ZBTB44: variants seen among roughly 807,000 people sequenced by gnomAD.
The protein encoded by ZBTB44 is zinc finger and BTB domain containing 44, also known as zinc finger and BTB domain-containing protein 44.
In ZBTB44, 15 loss-of-function variants were observed where a neutral mutation model predicts 54.0. The ratio of observed to expected loss-of-function variants is 0.28; its 90% CI spans 0.19 to 0.43. ZBTB44 has a LOEUF of 0.43. ZBTB44 is among the 20% of genes least tolerant of loss of function. ZBTB44 has a pLI of 1.00. For synonymous variants in ZBTB44, 230 were observed against 250.1 expected, an observed-to-expected ratio of 0.92 and a Z score of 0.76; for missense variants, 487 against 707.1, an observed-to-expected ratio of 0.69 and a Z score of 3.53.
intron 1 of ZBTB44, among the ~76,000 whole-genome samples, chr11:130,311,910 C>T (rs1364718834): frequency 6.6e-6 from 1 of 152,040 alleles, no homozygotes; most frequent in Non-Finnish European, 1.5e-5. Context: ...TTCCTACTGA[C>T]CAAATCTGGG....
intron 1 of ZBTB44, chr11:130,295,556 C>G: frequency 1.4e-6 from 1 of 701,526 alleles, no homozygotes; most frequent in Non-Finnish European, 2.6e-6. Context: ...CAGCCTGCCC[C>G]TGGGACTCAC....
intron 1 of ZBTB44, among the ~76,000 whole-genome samples, chr11:130,263,881 C>T (rs918720086): frequency 2.6e-5 from 4 of 152,158 alleles, no homozygotes; most frequent in Admixed American, 2.6e-4. Flanking sequence ...TCCTTTACCT[C>T]AAATCTATGG....
At chr11:130,279,050 C>A (rs556655229) in intron 1 of ZBTB44, among the ~76,000 whole-genome samples, 66 of 152,078 alleles carry the variant, frequency 4.3e-4, no homozygotes, top group African/African-American at 1.4e-3. Context: ...TATAGCAAAT[C>A]CAGTTACTGT....
intron 1 of ZBTB44, among the ~76,000 whole-genome samples, chr11:130,301,281 CCT>C (rs1941972770): frequency 6.6e-6 from 1 of 152,130 alleles, no homozygotes; most frequent in African/African-American, 2.4e-5. Context: ...TGGCTTTACT[CCT>C]CTTTCAAGTT....
At chr11:130,268,222 T>TAAAAAA (rs1189306993) in intron 1 of ZBTB44, among the ~76,000 whole-genome samples, 1,473 of 128,876 alleles carry the variant, frequency 0.011, 27 homozygotes, top group African/African-American at 0.039. Context: ...ACGTCTAATT[T>TAAAAAA]AAAAAAAAAA....
At chr11:130,296,854 T>TA in intron 1 of ZBTB44, 1 of 738,118 alleles carries the variant, frequency 1.4e-6, no homozygotes, top group Non-Finnish European at 2.5e-6. Context: ...GTAAATAACT[T>TA]AAATTTGCCT....
chr11:130,294,729 A>G (rs1375665289), intron 1 of ZBTB44, among the ~76,000 whole-genome samples: 2 of 152,136 alleles, frequency 1.3e-5, no homozygotes, highest in East Asian at 1.9e-4. Flanking sequence ...TAGTGTTCCA[A>G]TAATGGAACG....
chr11:130,281,583 AT>A (rs996596428), intron 1 of ZBTB44, among the ~76,000 whole-genome samples: 4 of 150,902 alleles, frequency 2.7e-5, no homozygotes, highest in Non-Finnish European at 5.9e-5. Flanking sequence ...AAGTAGTTTT[AT>A]TGTTGTTGTT....
intron 1 of ZBTB44, among the ~76,000 whole-genome samples, chr11:130,264,070 T>C (rs1466162769): frequency 1.3e-5 from 2 of 152,228 alleles, no homozygotes; most frequent in South Asian, 2.1e-4. Flanking sequence ...CTGCTATTTT[T>C]ACCTGTGTCA....
At chr11:130,287,543 A>C (rs1941039923) in intron 1 of ZBTB44, among the ~76,000 whole-genome samples, 1 of 152,216 alleles carries the variant, frequency 6.6e-6, no homozygotes, top group Non-Finnish European at 1.5e-5. Context: ...TTGGAAATAA[A>C]ATGCAGAGAC....
chr11:130,277,514 T>G (rs1018563127), intron 1 of ZBTB44, among the ~76,000 whole-genome samples: 1 of 150,510 alleles, frequency 6.6e-6, no homozygotes, highest in Non-Finnish European at 1.5e-5. Flanking sequence ...ACAGCTTTGC[T>G]CCTACCCACT....
At chr11:130,311,042 A>G (rs1384861226) in intron 1 of ZBTB44, among the ~76,000 whole-genome samples, 1 of 152,250 alleles carries the variant, frequency 6.6e-6, no homozygotes, top group Non-Finnish European at 1.5e-5. Context: ...AAGTATTTCA[A>G]GTGACTTTTG....
chr11:130,269,727 C>T (rs558697149), intron 1 of ZBTB44, among the ~76,000 whole-genome samples: 1 of 152,212 alleles, frequency 6.6e-6, no homozygotes, highest in East Asian at 1.9e-4. Flanking sequence ...TTTTCACTTC[C>T]CCATTTACCA....
chr11:130,303,629 C>G (rs891740499), intron 1 of ZBTB44, among the ~76,000 whole-genome samples: 1 of 151,952 alleles, frequency 6.6e-6, no homozygotes, highest in Non-Finnish European at 1.5e-5. Context: ...GAGCGAAACT[C>G]CATCTCAAAA....
chr11:130,285,328 G>A (rs1043783933), intron 1 of ZBTB44: 6 of 134,460 alleles, frequency 4.5e-5, no homozygotes, highest in Admixed American at 1.7e-4. Context: ...TTTCGCTCTC[G>A]TTGGCCAGGC....
intron 1 of ZBTB44, among the ~76,000 whole-genome samples, chr11:130,311,115 A>G (rs1592090026): frequency 6.6e-6 from 1 of 152,252 alleles, no homozygotes; most frequent in African/African-American, 2.4e-5. Flanking sequence ...AAATGCAAAG[A>G]AATCTTAAAC....
At chr11:130,279,242 T>A (rs11222027) in intron 1 of ZBTB44, among the ~76,000 whole-genome samples, 84,603 of 150,730 alleles carry the variant, frequency 0.56, 27,227 homozygotes, top group South Asian at 0.69. Context: ...CACCCTGGAC[T>A]TACAGTGATA....
At position 130,267,319 on chromosome 11, in the gene ZBTB44, A is replaced by C. The variant is rs1939323819; in HGVS notation, c.-56-5390T>G. 2.0e-5 allele frequency among the ~76,000 whole-genome samples: 3 copies of C among 152,278 alleles called. No individual in the cohort carries two copies. The South Asian group carries it at 6.2e-4, about 32-fold the overall frequency. On this transcript the variant is annotated intron_variant, in intron 1 of 7. Coordinates refer to ENST00000357899, the MANE Select transcript of ZBTB44 (RefSeq NM_001301098.2). ...TGGTTGGTTCATGAGGTTGAAGGAA[A>C]GAAGCCATCCTCATAGCATAAAAGT...
intron 1 of ZBTB44, among the ~76,000 whole-genome samples, chr11:130,309,530 T>C (rs265303): frequency 0.78 from 119,081 of 152,168 alleles, 46,850 homozygotes; most frequent in Admixed American, 0.82. Flanking sequence ...ACTGATCACA[T>C]ATCCAAATGC....
Sources: allele counts gnomAD v4.1 joint callset (sites outside exome capture counted in the v4.1 genomes callset), GRCh38; gene constraint gnomAD v4.1.1; transcripts MANE v1.5; gene names NCBI Gene and HGNC (gene_info 2026-07-23, HGNC 2026-07-21).